Variants in ROS1 observed in about 807,000 individuals in gnomAD.
ROS1 encodes ROS proto-oncogene 1, receptor tyrosine kinase, also known as proto-oncogene tyrosine-protein kinase ROS.
In ROS1, 263 loss-of-function variants were observed where a neutral mutation model predicts 273.5. The ratio of observed to expected loss-of-function variants is 0.96; its 90% CI spans 0.87 to 1.06. The LOEUF (loss-of-function observed/expected upper bound fraction) is 1.06. ROS1 is among the 50% of genes least tolerant of loss of function. ROS1 has a pLI of 0.00. For missense variants in ROS1, 2,833 were observed against 2,751.1 expected (o/e 1.03, Z -0.67); for synonymous variants, 1,008 against 954.1 (o/e 1.06, Z -1.04).
rs2128660752 is a variant in ROS1, at chr6:117,365,658, G to A, written c.2881C>T (p.Gln961Ter). Residue 961 changes from glutamine (Q) to a stop codon, truncating the protein, a stop_gained, in exon 20 of 44, where the codon CAA becomes TAA. Coordinates refer to ENST00000368507, the MANE Select transcript of ROS1 (RefSeq NM_001378902.1). LOFTEE classifies it high-confidence loss of function. ...GCAGGGGGACCATTCCACAGGATTTGAAAACTTGAAGCATTTCCTTCAATC... is the reference window on the plus strand; with the variant it reads ...GCAGGGGGACCATTCCACAGGATTTAAAAACTTGAAGCATTTCCTTCAATC... The part of the protein sequence containing the change: ...FRIEGNASSF[Q>*]ILWNGPPAVD... 6.2e-7 allele frequency: 1 copy of A among 1,612,758 alleles called. No individual in the cohort carries two copies. The highest frequency in any genetic ancestry group is 1.1e-5 in the South Asian group (1 of 90,976).
chr6:117,418,537 G>A (rs902945708), intron 1 of ROS1, 31 bp from the exon 2 acceptor site: 1 of 1,570,638 alleles, frequency 6.4e-7, no homozygotes, highest in African/African-American at 1.4e-5. Context: ...GTAAACACCA[G>A]CCATCAGTAC....
At chr6:117,290,829 C>A (rs1044742117) in intron 43 of ROS1, among the ~76,000 whole-genome samples, 1 of 152,198 alleles carries the variant, frequency 6.6e-6, no homozygotes, top group African/African-American at 2.4e-5. Flanking sequence ...AGCACCCCCA[C>A]TTCTTTGCTT....
At position 117,397,257 on chromosome 6, in the gene ROS1, T is replaced by C. The variant is rs538749810; in HGVS notation, c.605-141A>G. 1.0e-4 allele frequency: 66 copies of C among 629,350 alleles called. No homozygotes were observed. In the African/African-American group the frequency reaches 1.1e-3, roughly 10 times the overall value. The allele number at this position is 629,350 out of a possible 1,614,324, so 39.0% of individuals were successfully genotyped here. On this transcript the variant is annotated intron_variant, in intron 7 of 43. Coordinates refer to ENST00000368507, the MANE Select transcript of ROS1 (RefSeq NM_001378902.1). Reference sequence around the variant, plus strand: ...TTTTATTAATACTCAAAATATGTGATAGAGGAAAGGTGGTAAGATGTCTAA... The same window carrying C: ...TTTTATTAATACTCAAAATATGTGACAGAGGAAAGGTGGTAAGATGTCTAA...
At chr6:117,374,223 T>C (rs567148961) in intron 18 of ROS1, among the ~76,000 whole-genome samples, 18 of 152,294 alleles carry the variant, frequency 1.2e-4, no homozygotes, top group African/African-American at 4.1e-4. Flanking sequence ...AGGCATCACA[T>C]TACCTGACTT....
chr6:117,425,522 T>A lies in ROS1; in HGVS notation c.123+12A>T. 1 of 1,579,810 alleles carries A rather than the reference T, an allele frequency of 6.3e-7. No individual in the cohort carries two copies. The highest frequency in any genetic ancestry group is 8.6e-7 in the Non-Finnish European group (1 of 1,168,482). On this transcript the variant is annotated intron_variant, in intron 1 of 43. Coordinates refer to ENST00000368507, the MANE Select transcript of ROS1 (RefSeq NM_001378902.1). ...GTTCCTGCAAAGACAAATATTAGAT[T>A]GTGAGACTTACCAGATTAGTTACAC...
intron 39 of ROS1, among the ~76,000 whole-genome samples, chr6:117,312,338 G>A (rs972746425): frequency 6.6e-6 from 1 of 152,030 alleles, no homozygotes; most frequent in Non-Finnish European, 1.5e-5. Flanking sequence ...CCCCTGACAC[G>A]TTTATCTCTT....
intron 18 of ROS1, among the ~76,000 whole-genome samples, chr6:117,374,872 C>CA (rs1398253697): frequency 1.3e-5 from 2 of 152,154 alleles, no homozygotes; most frequent in African/African-American, 4.8e-5. Context: ...CTAGTACAAC[C>CA]ACTATGGAAA....
In ROS1 at chr6:117,425,527, G is replaced by T; in HGVS notation, c.123+7C>A. On this transcript the variant is annotated splice_region_variant and intron_variant, in intron 1 of 43. Coordinates refer to ENST00000368507, the MANE Select transcript of ROS1 (RefSeq NM_001378902.1). ...TGCAAAGACAAATATTAGATTGTGA[G>T]ACTTACCAGATTAGTTACACACGAC... 1 of 1,586,280 alleles carries T rather than the reference G, an allele frequency of 6.3e-7. No homozygotes were observed. Among genetic ancestry groups the T allele is most frequent in the South Asian group, 1.2e-5 (1 of 84,616 alleles).
intron 4 of ROS1, among the ~76,000 whole-genome samples, 180 bp from the exon 5 acceptor site, chr6:117,409,822 C>T (rs947473779): frequency 2.6e-5 from 4 of 152,058 alleles, no homozygotes; most frequent in African/African-American, 7.2e-5. Context: ...CAACTATTTC[C>T]CCTGCAGTAA....
intron 4 of ROS1, among the ~76,000 whole-genome samples, chr6:117,413,621 A>G (rs1775102551): frequency 1.3e-5 from 2 of 152,128 alleles, no homozygotes. Context: ...GACATTACTT[A>G]CCATTGGGAG....
chr6:117,289,737 GAT>G (rs555285769), intron 43 of ROS1, among the ~76,000 whole-genome samples: 75 of 152,226 alleles, frequency 4.9e-4, no homozygotes, highest in African/African-American at 1.6e-3. Flanking sequence ...TGAATAGTTA[GAT>G]GTGTTGTAAA....
chr6:117,408,388 CAA>C lies in ROS1; in HGVS notation c.316+1192_316+1193del, dbSNP rs538783778. Among the ~76,000 whole-genome samples, 236 of 152,290 alleles carry C rather than the reference CAA, an allele frequency of 1.5e-3. 1 individual carries two copies. The highest frequency in any genetic ancestry group is 0.01 in the Middle Eastern group (3 of 294). ...ACAAGAAAAAAACAAACAACCCCAT[CAA>C]AAAGTGGGCGAAGGATACGAACAGG... On this transcript the variant is annotated intron_variant, in intron 5 of 43. Coordinates refer to ENST00000368507, the MANE Select transcript of ROS1 (RefSeq NM_001378902.1).
In ROS1 at chr6:117,387,691, C is replaced by A. The variant is rs1313403295; in HGVS notation, c.1999+89G>T. 8 of 1,401,566 alleles carry A rather than the reference C, an allele frequency of 5.7e-6. No individual in the cohort carries two copies. The African/African-American group carries it at 7.2e-5, about 13-fold the overall frequency. The allele number at this position is 1,401,566 out of a possible 1,614,324, so 86.8% of individuals were successfully genotyped here. A position where few individuals can be genotyped will look rare whatever the true frequency, so the allele number is the denominator to read the frequency against. On this transcript the variant is annotated intron_variant, in intron 14 of 43. Transcript: ENST00000368507. ...GGTCAATACACCCTCATTCTCATTT[C>A]TTTAAACCCAAGGCAAGGAAATTTA...
At chr6:117,311,454 T>G (rs1775541722) in intron 39 of ROS1, among the ~76,000 whole-genome samples, 1 of 152,116 alleles carries the variant, frequency 6.6e-6, no homozygotes, top group African/African-American at 2.4e-5. Context: ...CTTAAGTTAC[T>G]TAACTCACTA....
At chr6:117,310,380 A>AT (rs372650546) in intron 40 of ROS1, 99 bp from the exon 41 acceptor site, 20,688 of 678,262 alleles carry the variant, frequency 0.031, 241 homozygotes, top group African/African-American at 0.1. Context: ...AAGAGAAACT[A>AT]TTTTTTTTTT....
intron 43 of ROS1, among the ~76,000 whole-genome samples, chr6:117,292,519 C>G (rs1210320536): frequency 6.6e-6 from 1 of 152,170 alleles, no homozygotes; most frequent in Non-Finnish European, 1.5e-5. Context: ...TTGTAAGCCC[C>G]TCCTATACCG....
At chr6:117,324,175 G>C (rs1053436248) in intron 35 of ROS1, among the ~76,000 whole-genome samples, 157 bp downstream of exon 35, 1 of 152,154 alleles carries the variant, frequency 6.6e-6, no homozygotes, top group Non-Finnish European at 1.5e-5. Flanking sequence ...ACAGAAGTTA[G>C]TGGTTATAAA....
chr6:117,305,600 A>C (rs1228953920), intron 42 of ROS1, among the ~76,000 whole-genome samples: 1 of 152,222 alleles, frequency 6.6e-6, no homozygotes, highest in Non-Finnish European at 1.5e-5. Context: ...AATGAGGACT[A>C]AGAAAAGAGG....
intron 4 of ROS1, among the ~76,000 whole-genome samples, chr6:117,410,794 A>G (rs1188003479): frequency 6.6e-6 from 1 of 152,206 alleles, no homozygotes; most frequent in Non-Finnish European, 1.5e-5. Context: ...TGATCTGCAT[A>G]CTAAAAGGAA....
Sources: allele counts gnomAD v4.1 joint callset (sites outside exome capture counted in the v4.1 genomes callset), GRCh38; gene constraint gnomAD v4.1.1; transcripts MANE v1.5; gene names NCBI Gene and HGNC (gene_info 2026-07-23, HGNC 2026-07-21).